Variants in KCNT1 observed in about 807,000 individuals in gnomAD.
The protein encoded by KCNT1 is potassium channel subfamily T member 1.
In KCNT1, 78 loss-of-function variants were observed where a neutral mutation model predicts 147.8. That is an observed-to-expected ratio of 0.53 (90% CI 0.44 to 0.64). The LOEUF is 0.64. KCNT1 is among the 30% of genes least tolerant of loss of function. The pLI, the probability that KCNT1 is intolerant of heterozygous loss-of-function variation, is 0.00. For missense variants in KCNT1, 1,419 were observed against 1,750.3 expected, an observed-to-expected ratio of 0.81 and a Z score of 3.38; for synonymous variants, 867 against 748.8, an observed-to-expected ratio of 1.16 and a Z score of -2.58.
In KCNT1 at chr9:135,770,003, T is replaced by G; in HGVS notation, c.1567T>G (p.Cys523Gly). The change falls in exon 16 of 31, where the codon TGC becomes GGC. Residue 523 changes from cysteine (C) to glycine (G), a missense_variant. Coordinates refer to ENST00000371757, the MANE Select transcript of KCNT1 (RefSeq NM_020822.3). ...KYAMLALNCI[C>G]PATSTLITLL... ...CGCCATGCTGGCGCTGAACTGCATC[T>G]GCCCGGCGACCTCCACCCTCATCAC... 6.4e-7 allele frequency: 1 copy of G among 1,557,568 alleles called. No individual in the cohort carries two copies. Among genetic ancestry groups the G allele is most frequent in the South Asian group, 1.2e-5 (1 of 84,452 alleles).
In KCNT1 at chr9:135,786,357, C is replaced by A. The variant is rs1193627908; in HGVS notation, c.3338C>A (p.Ala1113Asp). 4.4e-6 allele frequency: 7 copies of A among 1,582,944 alleles called. No homozygotes were observed. The highest frequency in any genetic ancestry group is 1.8e-5 in the Admixed American group (1 of 54,832). The change falls in exon 29 of 31, where the codon GCC becomes GAC. Residue 1113 changes from alanine (A) to aspartate (D), a missense_variant. Ala to Asp is a moderately radical substitution (Grantham distance 126, BLOSUM62 -2). Around this residue, in one of 5 missense-constraint regions of KCNT1, gnomAD observed 306 missense variants for 294.2 expected, o/e 1.04. Coordinates refer to ENST00000371757, the MANE Select transcript of KCNT1 (RefSeq NM_020822.3). The part of the protein sequence containing the change: ...PLLRRKSLQW[A>D]RRLSRKAPKQ... ...CTACGGCGCAAGAGCCTGCAGTGGGCCCGGAGGCTGAGCCGCAAGGCGCCC... is the reference window on the plus strand; with the variant it reads ...CTACGGCGCAAGAGCCTGCAGTGGGACCGGAGGCTGAGCCGCAAGGCGCCC...
intron 1 of KCNT1, among the ~76,000 whole-genome samples, chr9:135,711,742 C>G (rs80131940): frequency 0.033 from 5,046 of 152,306 alleles, 270 homozygotes; most frequent in African/African-American, 0.11. Context: ...GTGTCCCAAG[C>G]CTGAGCTCTC....
At chr9:135,731,981 TATATATATATAGAGAGAG>T (rs1417771036) in intron 2 of KCNT1, among the ~76,000 whole-genome samples, 28 of 26,564 alleles carry the variant, frequency 1.1e-3, no homozygotes, top group African/African-American at 3.1e-3. Context: ...TATATATATA[TATATATATATAGAGAGAG>T]AGAGAGAGAG....
At position 135,759,804 on chromosome 9, in the gene KCNT1, C is replaced by T. The variant is rs1340962392; in HGVS notation, c.980C>T (p.Ser327Leu). Residue 327 changes from serine to leucine, a missense_variant, in exon 11 of 31, where the codon TCG becomes TTG. Transcript: ENST00000371757. ...YGDVTPKIWP[S>L]QLLVVIMICV... ...GACGTCACGCCCAAGATCTGGCCAT[C>T]GCAGCTGCTGGTGGTCATCATGATC... 2 of 1,613,346 alleles carry T rather than the reference C, an allele frequency of 1.2e-6. No homozygotes were observed. Among genetic ancestry groups the T allele is most frequent in the Non-Finnish European group, 8.5e-7 (1 of 1,179,796 alleles).
At chr9:135,736,070 GC>G (rs987366142) in intron 2 of KCNT1, among the ~76,000 whole-genome samples, 1 of 152,254 alleles carries the variant, frequency 6.6e-6, no homozygotes, top group Admixed American at 6.5e-5. Flanking sequence ...ATCCCGGAGT[GC>G]CCCCATGGGC....
intron 2 of KCNT1, chr9:135,736,685 G>T (rs1303158281): frequency 3.0e-6 from 1 of 329,346 alleles, no homozygotes; most frequent in Non-Finnish European, 5.5e-6. Context: ...GCGGGCCCGG[G>T]GGGCGCCCCA....
At chr9:135,732,303 G>A (rs1830136151) in intron 2 of KCNT1, among the ~76,000 whole-genome samples, 1 of 152,048 alleles carries the variant, frequency 6.6e-6, no homozygotes, top group Admixed American at 6.6e-5. Context: ...ACAGGCATGA[G>A]CCACCGCAAC....
intron 7 of KCNT1, 55 bp from the exon 8 acceptor site, chr9:135,757,099 GCT>G: frequency 1.6e-6 from 1 of 632,348 alleles, no homozygotes; most frequent in Non-Finnish European, 2.4e-6. Context: ...CCCCTCCCCT[GCT>G]GGGCCCCACC....
At chr9:135,791,645 G>A in intron 29 of KCNT1, 152 bp from the exon 30 acceptor site, 2 of 684,044 alleles carry the variant, frequency 2.9e-6, no homozygotes, top group South Asian at 1.7e-5. Flanking sequence ...ATGGGCCCTG[G>A]CTGGGCTCAC....
Position 135,702,331 on chromosome 9 carries a change from C to A in KCNT1, c.73C>A (p.Arg25=), listed in dbSNP as rs775807509. ...GGCGCGCGGCGGGGGCTACACCAAC[C>A]GGACCTTCGAGTTTGACGACGGCCA... ...REARGGGYTN[R]TFEFDDGQCA... Residue 25 remains arginine, a synonymous_variant, in exon 1 of 31, where the codon CGG becomes AGG. Transcript: ENST00000371757. 3 of 1,611,704 alleles carry A rather than the reference C, an allele frequency of 1.9e-6. No homozygotes were observed. Among genetic ancestry groups the A allele is most frequent in the Admixed American group, 3.3e-5 (2 of 59,974 alleles).
At chr9:135,704,101 C>A (rs1306435420) in intron 1 of KCNT1, among the ~76,000 whole-genome samples, 1 of 152,220 alleles carries the variant, frequency 6.6e-6, no homozygotes, top group African/African-American at 2.4e-5. Context: ...GAAAGAAGAA[C>A]CTTCGTGCTG....
intron 1 of KCNT1, among the ~76,000 whole-genome samples, chr9:135,710,374 G>A (rs1242007491): frequency 6.6e-6 from 1 of 152,208 alleles, no homozygotes; most frequent in Non-Finnish European, 1.5e-5. Context: ...AAGGGGACAA[G>A]TGATAAACAA....
chr9:135,763,791 T>G (rs952962240), intron 11 of KCNT1, among the ~76,000 whole-genome samples: 4 of 152,108 alleles, frequency 2.6e-5, no homozygotes, highest in African/African-American at 9.7e-5. Context: ...AGATAGGACT[T>G]TTAGGGTCAC....
intron 11 of KCNT1, among the ~76,000 whole-genome samples, chr9:135,764,275 G>C (rs927233561): frequency 2.0e-5 from 3 of 151,794 alleles, no homozygotes; most frequent in Middle Eastern, 6.8e-3. Flanking sequence ...GGGCAATGTA[G>C]TGAGACCCCA....
chr9:135,742,925 C>T (rs1830640029), intron 2 of KCNT1: 1 of 679,192 alleles, frequency 1.5e-6, no homozygotes, highest in East Asian at 2.7e-5. Context: ...TGCAGCTGGG[C>T]CAGGGCCACC....
chr9:135,725,618 G>A (rs534406866), intron 2 of KCNT1, among the ~76,000 whole-genome samples: 1 of 152,264 alleles, frequency 6.6e-6, no homozygotes, highest in East Asian at 1.9e-4. Context: ...TTGTGGTATT[G>A]AGCCCCAGGA....
At chr9:135,785,541 C>A in intron 28 of KCNT1, 1 of 683,800 alleles carries the variant, frequency 1.5e-6, no homozygotes, top group Non-Finnish European at 2.6e-6. Flanking sequence ...GGTGGGGAAG[C>A]TGAGGCCTGG....
At chr9:135,772,343 C>T (rs1165666601) in intron 18 of KCNT1, among the ~76,000 whole-genome samples, 1 of 152,140 alleles carries the variant, frequency 6.6e-6, no homozygotes, top group Non-Finnish European at 1.5e-5. Context: ...CCCAGCTGCT[C>T]CCCACCTGGC....
intron 17 of KCNT1, 67 bp downstream of exon 17, chr9:135,770,514 T>A (rs56157148): frequency 2.0e-6 from 3 of 1,529,348 alleles, no homozygotes; most frequent in Non-Finnish European, 2.6e-6. Flanking sequence ...CTCCCCACCC[T>A]CCCGGTCAGG....
Sources: allele counts gnomAD v4.1 joint callset (sites outside exome capture counted in the v4.1 genomes callset), GRCh38; gene constraint gnomAD v4.1.1; regional missense constraint gnomAD v4.1.1; transcripts MANE v1.5; gene names NCBI Gene and HGNC (gene_info 2026-07-23, HGNC 2026-07-21).